ETV6: variants seen among roughly 807,000 people sequenced by gnomAD.
The protein encoded by ETV6 is ETS variant transcription factor 6.
ETV6 carries 16 observed loss-of-function variants against 51.1 expected under a neutral mutation model. The ratio of observed to expected loss-of-function variants is 0.31; its 90% CI spans 0.21 to 0.48. The LOEUF (loss-of-function observed/expected upper bound fraction) is 0.48, where lower values mean the gene tolerates loss of function less well. ETV6 is among the 20% of genes least tolerant of loss of function. The probability of loss-of-function intolerance (pLI) is 0.99; values close to 1 mark genes in which losing one functional copy is unlikely to be tolerated. For synonymous variants in ETV6, 240 were observed against 224.1 expected (o/e 1.07, Z -0.64); for missense variants, 458 against 594.8 (o/e 0.77, Z 2.39).
intron 2 of ETV6, among the ~76,000 whole-genome samples, chr12:11,786,137 T>A (rs923682217): frequency 6.6e-6 from 1 of 152,178 alleles, no homozygotes; most frequent in Non-Finnish European, 1.5e-5. Flanking sequence ...TCATTTTCAA[T>A]ACTCTTGGGA....
intron 1 of ETV6, among the ~76,000 whole-genome samples, chr12:11,733,459 T>G (rs1029184254): frequency 4.0e-5 from 6 of 151,726 alleles, no homozygotes; most frequent in Non-Finnish European, 2.9e-5. Flanking sequence ...TCTTAGCCCT[T>G]CAAGCCCCCG....
chr12:11,792,341 T>C (rs1320408862), intron 2 of ETV6, among the ~76,000 whole-genome samples: 1 of 152,204 alleles, frequency 6.6e-6, no homozygotes, highest in Non-Finnish European at 1.5e-5. Flanking sequence ...AAGAATTTAC[T>C]TTAGACAAAA....
rs973112215 is a variant in ETV6 at position 11,859,418 on chromosome 12, A to G, written c.463+5857A>G. ...GGCCTCCCAAAGTGCTGGGATTACA[A>G]GCATGAGCCACCACACCCGGCCTGA... On this transcript the variant is annotated intron_variant, in intron 4 of 7. Coordinates refer to ENST00000396373, the MANE Select transcript of ETV6 (RefSeq NM_001987.5). Among the ~76,000 whole-genome samples, 7 of 152,026 alleles carry G rather than the reference A, an allele frequency of 4.6e-5. No homozygotes were observed. In the East Asian group the frequency reaches 7.7e-4, roughly 17 times the overall value.
At chr12:11,841,879 G>A (rs569106660) in intron 3 of ETV6, among the ~76,000 whole-genome samples, 52 of 151,968 alleles carry the variant, frequency 3.4e-4, no homozygotes, top group South Asian at 1.0e-3. Context: ...TCAGGAGATC[G>A]AGACCATCCC....
At chr12:11,696,156 A>C (rs1864875059) in intron 1 of ETV6, among the ~76,000 whole-genome samples, 1 of 152,236 alleles carries the variant, frequency 6.6e-6, no homozygotes, top group African/African-American at 2.4e-5. Context: ...AGTAACTCAA[A>C]GTTTCAAGAG....
intron 2 of ETV6, among the ~76,000 whole-genome samples, chr12:11,789,598 G>T (rs1319385933): frequency 6.6e-6 from 1 of 152,112 alleles, no homozygotes; most frequent in South Asian, 2.1e-4. Flanking sequence ...TAGGGGGGAG[G>T]CAACTTTATT....
intron 2 of ETV6, among the ~76,000 whole-genome samples, chr12:11,807,141 G>A (rs545596120): frequency 1.3e-5 from 2 of 152,238 alleles, no homozygotes; most frequent in Admixed American, 1.3e-4. Context: ...AAAAGACCGT[G>A]TGGTTTGCAT....
At chr12:11,791,971 C>T (rs1205644442) in intron 2 of ETV6, among the ~76,000 whole-genome samples, 1 of 152,086 alleles carries the variant, frequency 6.6e-6, no homozygotes, top group South Asian at 2.1e-4. Flanking sequence ...TTTTGAGAAC[C>T]CCGTTGGGAG....
At chr12:11,807,545 G>T (rs1565533735) in intron 2 of ETV6, among the ~76,000 whole-genome samples, 1 of 152,148 alleles carries the variant, frequency 6.6e-6, no homozygotes, top group African/African-American at 2.4e-5. Context: ...AAAAATGAAA[G>T]TTTTTTTCAT....
chr12:11,754,036 A>G (rs980685328), intron 2 of ETV6, among the ~76,000 whole-genome samples: 3 of 152,240 alleles, frequency 2.0e-5, no homozygotes, highest in African/African-American at 7.2e-5. Context: ...AGCAGACACA[A>G]CTGGAAAAGA....
intron 2 of ETV6, among the ~76,000 whole-genome samples, chr12:11,795,677 C>T (rs1022828311): frequency 3.3e-5 from 5 of 152,182 alleles, no homozygotes; most frequent in Admixed American, 3.3e-4. Context: ...ATTCATATTC[C>T]AGAGAACAAG....
chr12:11,790,679 CTTT>C (rs5796466), intron 2 of ETV6, among the ~76,000 whole-genome samples: 2,152 of 100,334 alleles, frequency 0.021, 44 homozygotes, highest in African/African-American at 0.069. Context: ...AGAGGATAAA[CTTT>C]TTTTTTTTTT....
chr12:11,876,897 C>T (rs1946994354), intron 5 of ETV6, among the ~76,000 whole-genome samples: 1 of 152,188 alleles, frequency 6.6e-6, no homozygotes, highest in Admixed American at 6.5e-5. Flanking sequence ...TCTTAGAACA[C>T]ACTTCGCAGC....
intron 1 of ETV6, among the ~76,000 whole-genome samples, chr12:11,750,114 G>A (rs1361186405): frequency 1.3e-5 from 2 of 152,196 alleles, no homozygotes; most frequent in Non-Finnish European, 2.9e-5. Context: ...GTTTGCGGGG[G>A]ATGGCGTCAG....
intron 1 of ETV6, among the ~76,000 whole-genome samples, chr12:11,685,128 G>C (rs553699947): frequency 6.6e-6 from 1 of 152,246 alleles, no homozygotes; most frequent in Admixed American, 6.5e-5. Context: ...GGCCTGCGGA[G>C]TGTCATCTAG....
intron 5 of ETV6, among the ~76,000 whole-genome samples, chr12:11,877,417 A>G (rs559007129): frequency 1.3e-5 from 2 of 152,242 alleles, no homozygotes; most frequent in South Asian, 4.1e-4. Flanking sequence ...GGCAAGTCTC[A>G]GCCCTCGGCC....
At chr12:11,853,022 A>G (rs922213640) in intron 3 of ETV6, among the ~76,000 whole-genome samples, 14 of 152,122 alleles carry the variant, frequency 9.2e-5, no homozygotes, top group African/African-American at 3.4e-4. Flanking sequence ...CCCTGTCTCT[A>G]CTGAAAATAC....
At chr12:11,764,881 A>G (rs1233461087) in intron 2 of ETV6, among the ~76,000 whole-genome samples, 1 of 152,254 alleles carries the variant, frequency 6.6e-6, no homozygotes, top group East Asian at 1.9e-4. Context: ...TATTATCCTC[A>G]TCTTACTGAT....
rs192723969 is a variant in ETV6 at position 11,811,585 on chromosome 12, C to G, written c.164-27555C>G. Among the ~76,000 whole-genome samples the G allele has an allele frequency of 1.0e-3, 153 of 152,192 alleles. 1 individual carries two copies. Among genetic ancestry groups the G allele is most frequent in the African/African-American group, 2.9e-3 (119 of 41,526 alleles). ...AGCATTTAGCATTTTTAAATCCCTT[C>G]CTGGATGCTTGTTTTAGTGATGATG... On this transcript the variant is annotated intron_variant, in intron 2 of 7. Coordinates refer to ENST00000396373, the MANE Select transcript of ETV6 (RefSeq NM_001987.5).
Sources: allele counts gnomAD v4.1 joint callset (sites outside exome capture counted in the v4.1 genomes callset), GRCh38; gene constraint gnomAD v4.1.1; transcripts MANE v1.5; gene names NCBI Gene and HGNC (gene_info 2026-07-23, HGNC 2026-07-21).